Variants in SMTNL2 observed in about 807,000 individuals in gnomAD.
SMTNL2 encodes the protein smoothelin-like protein 2.
SMTNL2 carries 43 observed loss-of-function variants against 44.1 expected under a neutral mutation model. The ratio of observed to expected loss-of-function variants is 0.98; its 90% CI spans 0.76 to 1.26. The LOEUF is 1.26. SMTNL2 is among the 50% of genes most tolerant of loss of function. The pLI is 0.00. For synonymous variants in SMTNL2, 317 were observed against 287.6 expected (o/e 1.10, Z -1.03); for missense variants, 646 against 670.2 (o/e 0.96, Z 0.40).
chr17:4,607,465 A>G lies in SMTNL2; in HGVS notation c.1364A>G (p.Asn455Ser), dbSNP rs1427375243. 6.2e-7 allele frequency: 1 copy of G among 1,614,152 alleles called. No individual in the cohort carries two copies. Among genetic ancestry groups the G allele is most frequent in the South Asian group, 1.1e-5 (1 of 91,084 alleles). Residue 455 changes from asparagine to serine, a missense_variant, in exon 8 of 8, where the codon AAC becomes AGC. Asn to Ser is a conservative substitution (Grantham distance 46). Coordinates refer to ENST00000389313, the MANE Select transcript of SMTNL2 (RefSeq NM_001114974.2). This position sits in a 1 kb window ranked among gnomAD's most constrained non-coding sequence, Gnocchi z 4.7. Reference sequence around the variant, plus strand: ...TTCACCTACGTCCAGTCGCTGTACAACCACCTGCGTCGCTTCGAGTAAAGC... The same window carrying G: ...TTCACCTACGTCCAGTCGCTGTACAGCCACCTGCGTCGCTTCGAGTAAAGC... ...CVFTYVQSLY[N>S]HLRRFE
chr17:4,591,227 G>A (rs1178299243), intron 1 of SMTNL2, among the ~76,000 whole-genome samples: 1 of 152,238 alleles, frequency 6.6e-6, no homozygotes, highest in Non-Finnish European at 1.5e-5. Context: ...CTGGTTGCAA[G>A]AGGAGCTGAG....
chr17:4,595,138 T>C lies in SMTNL2; in HGVS notation c.807-7T>C. 2 of 1,613,056 alleles carry C rather than the reference T, an allele frequency of 1.2e-6. No individual in the cohort carries two copies. Among genetic ancestry groups the C allele is most frequent in the Non-Finnish European group, 8.5e-7 (1 of 1,179,958 alleles). Reference sequence around the variant, plus strand: ...CCCAGGTCCCAACTCGGCGATTCTTTCCTCAGCCCACCGCTGGTGACACCA... The same window carrying C: ...CCCAGGTCCCAACTCGGCGATTCTTCCCTCAGCCCACCGCTGGTGACACCA... On this transcript the variant is annotated splice_polypyrimidine_tract_variant and splice_region_variant and intron_variant, in intron 4 of 7. Transcript: ENST00000389313. This position sits in a 1 kb window ranked among gnomAD's most constrained non-coding sequence, Gnocchi z 5.1.
chr17:4,596,993 C>G lies in SMTNL2; in HGVS notation c.1107+16C>G, dbSNP rs1245256161. 1.3e-6 allele frequency: 2 copies of G among 1,486,974 alleles called. No homozygotes were observed. The highest frequency in any genetic ancestry group is 2.6e-5 in the South Asian group (2 of 76,280). The allele number at this position is 1,486,974 out of a possible 1,614,324, so 92.1% of individuals were successfully genotyped here. On this transcript the variant is annotated intron_variant, in intron 6 of 7. Transcript: ENST00000389313. ...GGGCTACCAGGTGAGCCCCGGCTCC[C>G]CTCCGGCTGCTGGGACGCCCCAGCT...
chr17:4,592,222 A>G lies in SMTNL2; in HGVS notation c.400-139A>G, dbSNP rs1909601542. On this transcript the variant is annotated intron_variant, in intron 1 of 7. Coordinates refer to ENST00000389313, the MANE Select transcript of SMTNL2 (RefSeq NM_001114974.2). This position sits in a 1 kb window ranked among gnomAD's most constrained non-coding sequence, Gnocchi z 4.5. ...CTTTTGCTGTGTGACTTGGCCCGTCACTTTCTTCCTGGGGGCTGTTTTCTC... is the reference window on the plus strand; with the variant it reads ...CTTTTGCTGTGTGACTTGGCCCGTCGCTTTCTTCCTGGGGGCTGTTTTCTC... 1 of 780,170 alleles carries G rather than the reference A, an allele frequency of 1.3e-6. No homozygotes were observed. Among genetic ancestry groups the G allele is most frequent in the Non-Finnish European group, 2.1e-6 (1 of 482,816 alleles). 48.3% of individuals were successfully genotyped at this position (780,170 alleles called of 1,614,324 possible). A position where few individuals can be genotyped will look rare whatever the true frequency, so the allele number is the denominator to read the frequency against.
intron 1 of SMTNL2, among the ~76,000 whole-genome samples, chr17:4,591,539 C>T (rs12150670): frequency 0.11 from 16,225 of 152,300 alleles, 1,067 homozygotes; most frequent in Non-Finnish European, 0.16. Context: ...CAGCACCTAC[C>T]GGGGAGGACA....
intron 7 of SMTNL2, among the ~76,000 whole-genome samples, chr17:4,606,022 G>A (rs1042153274): frequency 6.6e-6 from 1 of 152,204 alleles, no homozygotes; most frequent in Non-Finnish European, 1.5e-5. Context: ...GTGTACACAC[G>A]AGTCTAAACC....
intron 7 of SMTNL2, among the ~76,000 whole-genome samples, chr17:4,597,911 G>A (rs1039121084): frequency 6.6e-6 from 1 of 152,216 alleles, no homozygotes; most frequent in African/African-American, 2.4e-5. Flanking sequence ...TCGGGATTTG[G>A]TTTTTGGCCG....
intron 1 of SMTNL2, among the ~76,000 whole-genome samples, chr17:4,585,293 C>T (rs1909302390): frequency 6.6e-6 from 1 of 152,254 alleles, no homozygotes; most frequent in African/African-American, 2.4e-5. Flanking sequence ...ATGACATCAA[C>T]GGCTTGGGCG....
In SMTNL2 at chr17:4,597,175, G is replaced by A. The variant is rs1165888747; in HGVS notation, c.1111G>A (p.Val371Met). Reference protein sequence around the residue: ...CRSKTLGYQHVDLQNFSSSWS... With the variant: ...CRSKTLGYQHMDLQNFSSSWS... ...GACCCCACTCACCCTGTTGCAGCAC[G>A]TGGACCTGCAGAACTTCTCCTCCAG... is the stretch of plus-strand genomic sequence containing the variant. Residue 371 changes from valine to methionine, a missense_variant, in exon 7 of 8, where the codon GTG becomes ATG. Coordinates refer to ENST00000389313, the MANE Select transcript of SMTNL2 (RefSeq NM_001114974.2). The A allele has an allele frequency of 2.2e-5, 35 of 1,613,120 alleles. No individual in the cohort carries two copies. Among genetic ancestry groups the A allele is most frequent in the Admixed American group, 1.2e-4 (7 of 59,966 alleles).
rs559065427 is a variant in SMTNL2 at position 4,599,839 on chromosome 17, C to T, written c.1259+2516C>T. 4.6e-5 allele frequency among the ~76,000 whole-genome samples: 7 copies of T among 152,300 alleles called. No individual in the cohort carries two copies. In the East Asian group the frequency reaches 5.8e-4, roughly 13 times the overall value. ...GCTTGGTGGGGTGATGGGGAGGCAG[C>T]GGCGGAGGCTGGTCCAGGTTTTGCC... On this transcript the variant is annotated intron_variant, in intron 7 of 7. Transcript: ENST00000389313.
rs1000486716 is a variant in SMTNL2 at position 4,593,116 on chromosome 17, G to A, written c.675G>A (p.Gly225=). The A allele has an allele frequency of 1.5e-5, 25 of 1,613,616 alleles. No individual in the cohort carries two copies. Among genetic ancestry groups the A allele is most frequent in the Non-Finnish European group, 2.1e-5 (25 of 1,179,804 alleles). ...CACCCATGTCTGCTGCCACCCTGGGGGGCCTCAACCCAAGCCCCAGCGAGG... is the reference window on the plus strand; with the variant it reads ...CACCCATGTCTGCTGCCACCCTGGGAGGCCTCAACCCAAGCCCCAGCGAGG... ...ALSPMSAATL[G]GLNPSPSEVI... The change falls in exon 3 of 8, where the codon GGG becomes GGA. Residue 225 remains glycine (G), a synonymous_variant. Transcript: ENST00000389313.
Position 4,597,163 on chromosome 17 carries a change from C to T in SMTNL2, c.1108-9C>T, listed in dbSNP as rs778888116. 6.2e-7 allele frequency: 1 copy of T among 1,612,324 alleles called. No homozygotes were observed. Among genetic ancestry groups the T allele is most frequent in the Non-Finnish European group, 8.5e-7 (1 of 1,179,256 alleles). On this transcript the variant is annotated splice_polypyrimidine_tract_variant and intron_variant, in intron 6 of 7. Transcript: ENST00000389313. ...CCCTCCCGCACTGACCCCACTCACC[C>T]TGTTGCAGCACGTGGACCTGCAGAA...
Position 4,594,034 on chromosome 17 carries a change from C to T in SMTNL2, c.806+137C>T, listed in dbSNP as rs573081039. On this transcript the variant is annotated intron_variant, in intron 4 of 7. Transcript: ENST00000389313. ...GGGGCTGGATCTCGGGAGCACTGGG[C>T]GGCAGGATGGGGGGAAGGTCTGAGC... 105 of 811,938 alleles carry T rather than the reference C, an allele frequency of 1.3e-4. No homozygotes were observed. The African/African-American group carries it at 1.6e-3, about 12-fold the overall frequency. 50.3% of individuals were successfully genotyped at this position (811,938 alleles called of 1,614,324 possible). A position where few individuals can be genotyped will look rare whatever the true frequency, so the allele number is the denominator to read the frequency against.
chr17:4,595,319 G>A lies in SMTNL2; in HGVS notation c.981G>A (p.Ala327=), dbSNP rs769214981. ...ALFEKWEQET[A]AGKGKGEARA... ...TTGAGAAGTGGGAGCAGGAAACGGC[G>A]GCCGGCAAGTACGGATGCCCACTCA... The change falls in exon 5 of 8, where the codon GCG becomes GCA. Residue 327 remains alanine (A), a synonymous_variant. Transcript: ENST00000389313. The surrounding 1 kb of genome is among the most constrained non-coding windows in gnomAD (Gnocchi z 5.1). 77 of 1,612,064 alleles carry A rather than the reference G, an allele frequency of 4.8e-5. No homozygotes were observed. Among genetic ancestry groups the A allele is most frequent in the Non-Finnish European group, 4.9e-5 (58 of 1,179,262 alleles).
chr17:4,589,185 T>C (rs2150519033), intron 1 of SMTNL2, among the ~76,000 whole-genome samples: 1 of 152,228 alleles, frequency 6.6e-6, no homozygotes, highest in Middle Eastern at 3.4e-3. Context: ...CCCTGGGGCA[T>C]CATGGGGGTT....
In SMTNL2 at chr17:4,593,130, G is replaced by T; in HGVS notation, c.689G>T (p.Ser230Ile). The T allele has an allele frequency of 6.2e-7, 1 of 1,612,058 alleles. No individual in the cohort carries two copies. The change falls in exon 3 of 8, where the codon AGC (serine) becomes ATC (isoleucine). Residue 230 changes from serine (S) to isoleucine (I), a missense_variant. Physicochemically the swap from Ser to Ile is moderately radical, Grantham distance 142. Transcript: ENST00000389313. ...GCCACCCTGGGGGGCCTCAACCCAAGCCCCAGCGAGGTCATCACGCCCTGG... is the reference window on the plus strand; with the variant it reads ...GCCACCCTGGGGGGCCTCAACCCAATCCCCAGCGAGGTCATCACGCCCTGG... ...SAATLGGLNP[S>I]PSEVITPWTP... is the part of the protein sequence containing the mutation.
rs762244983 is a variant in SMTNL2 at position 4,597,249 on chromosome 17, C to T, written c.1185C>T (p.Pro395=). 1.2e-5 allele frequency: 20 copies of T among 1,614,182 alleles called. No individual in the cohort carries two copies. In the East Asian group the frequency reaches 2.5e-4, roughly 20 times the overall value. Residue 395 remains proline (P), a synonymous_variant, in exon 7 of 8, where the codon CCC becomes CCT. Transcript: ENST00000389313. ...AFCALVHSFF[P]DAFDYNSLSP... is the part of the protein sequence containing the mutation. ...GCGCCCTGGTACACTCCTTCTTCCC[C>T]GATGCCTTTGACTACAACTCCCTGA...
At chr17:4,590,104 T>C (rs56313341) in intron 1 of SMTNL2, among the ~76,000 whole-genome samples, 123,237 of 151,184 alleles carry the variant, frequency 0.82, 50,605 homozygotes, top group East Asian at 1. Flanking sequence ...GTAGCTGGGA[T>C]TACAGGCACC....
rs374845685 is a variant in SMTNL2, at chr17:4,596,908, C to T, written c.1038C>T (p.Gly346=). 5 of 1,521,492 alleles carry T rather than the reference C, an allele frequency of 3.3e-6. No homozygotes were observed. Among genetic ancestry groups the T allele is most frequent in the East Asian group, 2.5e-5 (1 of 40,106 alleles). The allele number at this position is 1,521,492 out of a possible 1,614,324, so 94.2% of individuals were successfully genotyped here. A position where few individuals can be genotyped will look rare whatever the true frequency, so the allele number is the denominator to read the frequency against. The change falls in exon 6 of 8, where the codon GGC becomes GGT. Residue 346 remains glycine (G), a synonymous_variant. Coordinates refer to ENST00000389313, the MANE Select transcript of SMTNL2 (RefSeq NM_001114974.2). Reference sequence around the variant, plus strand: ...GGCTGAAGCGGTCGCAGAGCTTCGGCGTGGCCAGCGCCAGCAGCATCAAGC... The same window carrying T: ...GGCTGAAGCGGTCGCAGAGCTTCGGTGTGGCCAGCGCCAGCAGCATCAAGC... ...RARLKRSQSF[G]VASASSIKQI...
Sources: allele counts gnomAD v4.1 joint callset (sites outside exome capture counted in the v4.1 genomes callset), GRCh38; gene constraint gnomAD v4.1.1; non-coding constraint Gnocchi (gnomAD v3.1); transcripts MANE v1.5; gene names NCBI Gene and HGNC (gene_info 2026-07-23, HGNC 2026-07-21).